The following KIZ variants were observed in gnomAD, a reference collection of about 807,000 sequenced individuals.
KIZ encodes kizuna centrosomal protein.
KIZ carries 68 observed loss-of-function variants against 79.6 expected under a neutral mutation model. That is an observed-to-expected ratio of 0.85 (90% CI 0.70 to 1.05). KIZ has a LOEUF of 1.05. KIZ is among the 50% of genes least tolerant of loss of function. The pLI is 0.00. For missense variants in KIZ, 797 were observed against 800.4 expected (o/e 1.00, Z 0.05); for synonymous variants, 280 against 281.8 (o/e 0.99, Z 0.06).
rs1358881724 is a variant in KIZ at position 21,190,182 on chromosome 20, G to A, written c.1353-15309G>A. Among the ~76,000 whole-genome samples the A allele has an allele frequency of 2.0e-5, 3 of 152,144 alleles. 1 individual carries two copies. Among genetic ancestry groups the A allele is most frequent in the Non-Finnish European group, 4.4e-5 (3 of 68,022 alleles). On this transcript the variant is annotated intron_variant, in intron 6 of 12. Transcript: ENST00000619189. ...TTCTTGATGTAGTTTCTAGTTACAT[G>A]CTTAGATTTATGGCCAAGAAATGTG... is the stretch of plus-strand genomic sequence containing the variant.
At chr20:21,237,020 G>T in intron 11 of KIZ, among the ~76,000 whole-genome samples, 1 of 150,792 alleles carries the variant, frequency 6.6e-6, no homozygotes, top group East Asian at 1.9e-4. Context: ...AAAAAATGAT[G>T]GCTGGGTGCG....
chr20:21,214,475 C>A, intron 7 of KIZ, 60 bp from the exon 8 acceptor site: 1 of 1,236,002 alleles, frequency 8.1e-7, no homozygotes, highest in Non-Finnish European at 1.1e-6. Flanking sequence ...TCTTTGAGAC[C>A]AAGAGGAATG....
At chr20:21,193,609 T>A (rs1031481453) in intron 6 of KIZ, among the ~76,000 whole-genome samples, 2 of 151,684 alleles carry the variant, frequency 1.3e-5, no homozygotes, top group African/African-American at 2.4e-5. Flanking sequence ...CCAACCTAAA[T>A]GTCCAACAAT....
At chr20:21,168,179 T>A (rs1425286833) in intron 6 of KIZ, among the ~76,000 whole-genome samples, 1 of 152,210 alleles carries the variant, frequency 6.6e-6, no homozygotes, top group African/African-American at 2.4e-5. Flanking sequence ...TGTTTGGTTT[T>A]TTGTCCTTGC....
At chr20:21,147,070 A>G (rs777140149) in intron 4 of KIZ, among the ~76,000 whole-genome samples, 4 of 152,182 alleles carry the variant, frequency 2.6e-5, no homozygotes, top group Non-Finnish European at 4.4e-5. Context: ...AGTTCTTTCT[A>G]TGCCATTCTT....
intron 6 of KIZ, among the ~76,000 whole-genome samples, chr20:21,186,296 G>T (rs1214902072): frequency 6.6e-6 from 1 of 151,924 alleles, no homozygotes; most frequent in Non-Finnish European, 1.5e-5. Flanking sequence ...TATCCTTACT[G>T]ATCAGCTGTG....
intron 11 of KIZ, among the ~76,000 whole-genome samples, chr20:21,237,301 CAAAAAA>C (rs72536116): frequency 1.7e-5 from 1 of 58,636 alleles, no homozygotes; most frequent in Non-Finnish European, 3.6e-5. Context: ...AACTCCGTCT[CAAAAAA>C]AAAAAAAAAA....
chr20:21,215,075 A>G (rs1347391976), intron 8 of KIZ, among the ~76,000 whole-genome samples: 1 of 152,246 alleles, frequency 6.6e-6, no homozygotes, highest in East Asian at 1.9e-4. Flanking sequence ...TCATAATTGT[A>G]AACATTACTT....
intron 6 of KIZ, among the ~76,000 whole-genome samples, chr20:21,200,702 C>T (rs1243022197): frequency 6.6e-6 from 1 of 152,120 alleles, no homozygotes; most frequent in Non-Finnish European, 1.5e-5. Context: ...CACTCACCTC[C>T]TGCTTTGTGG....
At chr20:21,244,053 T>C (rs1359927559) in intron 11 of KIZ, among the ~76,000 whole-genome samples, 192 bp from the exon 12 acceptor site, 8 of 152,172 alleles carry the variant, frequency 5.3e-5, no homozygotes, top group African/African-American at 1.9e-4. Context: ...GCAATGCTGT[T>C]GAGTAGCGAC....
At chr20:21,212,318 C>G (rs1451491581) in intron 7 of KIZ, among the ~76,000 whole-genome samples, 1 of 152,150 alleles carries the variant, frequency 6.6e-6, no homozygotes, top group East Asian at 1.9e-4. Context: ...TCCCTGACTT[C>G]CAACTTACAA....
chr20:21,127,060 G>A (rs561567177), intron 1 of KIZ, among the ~76,000 whole-genome samples: 19 of 152,306 alleles, frequency 1.2e-4, no homozygotes, highest in African/African-American at 4.3e-4. Context: ...GCGTGACAGT[G>A]CTAAAATGAT....
chr20:21,139,139 A>G (rs1448664088), intron 3 of KIZ: 2 of 149,202 alleles, frequency 1.3e-5, no homozygotes, highest in African/African-American at 2.5e-5. Context: ...TATGTTATCA[A>G]TTACAGTAAT....
chr20:21,145,664 T>C lies in KIZ; in HGVS notation c.405+10T>C, dbSNP rs372556437. The stretch of plus-strand genomic sequence containing the variant: ...TGAAGACAGAGAAAAGGTAATAAAC[T>C]AAATTGGTAACCTTTCTGTTAACAG... On this transcript the variant is annotated intron_variant, in intron 4 of 12. Coordinates refer to ENST00000619189, the MANE Select transcript of KIZ (RefSeq NM_018474.6). 1,920 of 1,256,318 alleles carry C rather than the reference T, an allele frequency of 1.5e-3. 9 individuals are homozygous for C. The highest frequency in any genetic ancestry group is 1.9e-3 in the Non-Finnish European group (1,706 of 900,998). The allele number at this position is 1,256,318 out of a possible 1,614,324, so 77.8% of individuals were successfully genotyped here. A position where few individuals can be genotyped will look rare whatever the true frequency, so the allele number is the denominator to read the frequency against.
chr20:21,234,311 T>C (rs1014017336), intron 11 of KIZ, among the ~76,000 whole-genome samples: 5 of 151,356 alleles, frequency 3.3e-5, no homozygotes, highest in Admixed American at 3.3e-4. Flanking sequence ...ATTAATTTCC[T>C]AATAAATTAC....
chr20:21,154,956 G>T (rs6035790), intron 4 of KIZ, among the ~76,000 whole-genome samples: 94,295 of 152,068 alleles, frequency 0.62, 29,850 homozygotes, highest in South Asian at 0.78. Flanking sequence ...AGTATTTTAC[G>T]TTGCAAGTGT....
intron 6 of KIZ, among the ~76,000 whole-genome samples, chr20:21,172,408 G>T (rs2034249086): frequency 6.6e-6 from 1 of 152,144 alleles, no homozygotes; most frequent in African/African-American, 2.4e-5. Flanking sequence ...TTCGAGACCA[G>T]CCTGGGCAAC....
At chr20:21,143,145 A>G (rs1011745531) in intron 3 of KIZ, among the ~76,000 whole-genome samples, 3 of 152,162 alleles carry the variant, frequency 2.0e-5, no homozygotes, top group South Asian at 2.1e-4. Flanking sequence ...AAGACTGTGA[A>G]GCTTAGTTGC....
At chr20:21,246,420 T>A (rs938716413) in intron 12 of KIZ, 59 bp from the exon 13 acceptor site, 2 of 1,045,632 alleles carry the variant, frequency 1.9e-6, no homozygotes, top group African/African-American at 3.1e-5. Flanking sequence ...CTGTGCTGTT[T>A]TGTAAGCTCT....
Sources: allele counts gnomAD v4.1 joint callset (sites outside exome capture counted in the v4.1 genomes callset), GRCh38; gene constraint gnomAD v4.1.1; transcripts MANE v1.5; gene names NCBI Gene and HGNC (gene_info 2026-07-23, HGNC 2026-07-21).